The following PARVB variants were observed in gnomAD, a reference collection of about 807,000 sequenced individuals.
The protein encoded by PARVB is parvin beta.
PARVB carries 46 observed loss-of-function variants against 47.0 expected under a neutral mutation model. That is an observed-to-expected ratio of 0.98 (90% CI 0.77 to 1.25). The LOEUF is 1.25. PARVB is among the 50% of genes most tolerant of loss of function. The pLI is 0.00. For synonymous variants in PARVB, 196 were observed against 196.3 expected (o/e 1.00, Z 0.01); for missense variants, 473 against 471.6 (o/e 1.00, Z -0.03).
rs551351598 is a variant in PARVB at position 44,135,725 on chromosome 22, G to A, written c.634-735G>A. 5.6e-3 allele frequency among the ~76,000 whole-genome samples: 847 copies of A among 152,296 alleles called. 6 individuals carry two copies. Among genetic ancestry groups the A allele is most frequent in the African/African-American group, 0.019 (792 of 41,556 alleles). ...AAGTCTGAAATCAAGATGTTGTCAG[G>A]GTAGGATGTCCTCCCTCATGTCTCC... is the stretch of plus-strand genomic sequence containing the variant. On this transcript the variant is annotated intron_variant, in intron 6 of 12. Transcript: ENST00000338758.
chr22:44,042,200 T>C (rs1162776331), intron 1 of PARVB, among the ~76,000 whole-genome samples: 2 of 152,180 alleles, frequency 1.3e-5, no homozygotes, highest in African/African-American at 4.8e-5. Flanking sequence ...GGCAGGTGGA[T>C]TGCCTGAGGT....
intron 12 of PARVB, chr22:44,168,322 A>T (rs958026045): frequency 7.4e-6 from 3 of 403,002 alleles, no homozygotes; most frequent in Non-Finnish European, 1.4e-5. Context: ...ACATGTCCTG[A>T]TGCAGATCCA....
Position 44,172,912 on chromosome 22 carries a change from A to G in PARVB, c.*4234A>G. The G allele has an allele frequency of 8.6e-7, 1 of 1,163,636 alleles. No individual in the cohort carries two copies. The highest frequency in any genetic ancestry group is 1.3e-5 in the South Asian group (1 of 76,534). The allele number at this position is 1,163,636 out of a possible 1,614,324, so 72.1% of individuals were successfully genotyped here. A position where few individuals can be genotyped will look rare whatever the true frequency, so the allele number is the denominator to read the frequency against. ...CCACGTGGCGTCACAGTATGCTGTT[A>G]TTTATTCCAATAAAGACCTCGTGAG... On this transcript the variant is annotated 3_prime_UTR_variant, in exon 13 of 13. Coordinates refer to ENST00000338758, the MANE Select transcript of PARVB (RefSeq NM_013327.5).
intron 1 of PARVB, among the ~76,000 whole-genome samples, chr22:44,075,456 G>C (rs2051748968): frequency 6.6e-6 from 1 of 152,156 alleles, no homozygotes; most frequent in Non-Finnish European, 1.5e-5. Context: ...GTGGTACCTG[G>C]TGGACCCACA....
upstream of PARVB, among the ~76,000 whole-genome samples, chr22:44,020,592 A>T (rs1190990676): frequency 6.6e-6 from 1 of 152,198 alleles, no homozygotes; most frequent in East Asian, 1.9e-4. Context: ...TGGCTCACAA[A>T]ACTCAGGGCA....
intron 10 of PARVB, chr22:44,152,174 G>C (rs565277795): frequency 6.7e-6 from 1 of 149,394 alleles, no homozygotes; most frequent in East Asian, 2.0e-4. Flanking sequence ...TTTAAAGACA[G>C]AGTCTCGCTC....
chr22:44,147,845 C>G lies in PARVB; in HGVS notation c.713-16C>G, dbSNP rs778036418. 4 of 1,612,986 alleles carry G rather than the reference C, an allele frequency of 2.5e-6. No individual in the cohort carries two copies. In the Admixed American group the frequency reaches 6.7e-5, roughly 27 times the overall value. ...TCCATAAACGCTCCTTCGTGTCTCT[C>G]TTTGCATGTCCTCAGAGCGGGATGC... On this transcript the variant is annotated splice_polypyrimidine_tract_variant and intron_variant, in intron 8 of 12. Coordinates refer to ENST00000338758, the MANE Select transcript of PARVB (RefSeq NM_013327.5).
At chr22:44,067,166 G>T (rs535286622) in intron 1 of PARVB, among the ~76,000 whole-genome samples, 3 of 152,186 alleles carry the variant, frequency 2.0e-5, no homozygotes, top group African/African-American at 7.2e-5. Context: ...TGAAAATGGC[G>T]TGTCAGGAGC....
intron 2 of PARVB, among the ~76,000 whole-genome samples, chr22:44,009,726 A>ACAT (rs2050502718): frequency 6.6e-6 from 1 of 151,522 alleles, no homozygotes; most frequent in African/African-American, 2.4e-5. Context: ...ACCCTCTTTT[A>ACAT]TATAATAAAC....
chr22:44,154,284 G>T (rs1300139593), intron 10 of PARVB, among the ~76,000 whole-genome samples: 1 of 152,220 alleles, frequency 6.6e-6, no homozygotes, highest in African/African-American at 2.4e-5. Context: ...AAGGTCGCTG[G>T]TTACAGAAAT....
intron 2 of PARVB, among the ~76,000 whole-genome samples, chr22:44,005,407 C>T (rs935909737): frequency 6.8e-6 from 1 of 147,648 alleles, no homozygotes; most frequent in African/African-American, 2.5e-5. Context: ...GGTACCACGC[C>T]TGGCCGTTTT....
At chr22:44,035,625 C>A (rs1323883289) in intron 1 of PARVB, among the ~76,000 whole-genome samples, 5 of 152,036 alleles carry the variant, frequency 3.3e-5, no homozygotes, top group African/African-American at 1.2e-4. Context: ...CCTGCCTCAG[C>A]CTCCCAAAGT....
intron 4 of PARVB, among the ~76,000 whole-genome samples, chr22:44,120,666 C>A (rs905372060): frequency 2.0e-5 from 3 of 152,060 alleles, no homozygotes; most frequent in African/African-American, 4.8e-5. Context: ...GTTAAAAAAA[C>A]CACTTTTTTA....
chr22:44,080,951 G>A (rs1181444159), intron 1 of PARVB, among the ~76,000 whole-genome samples: 1 of 152,194 alleles, frequency 6.6e-6, no homozygotes, highest in South Asian at 2.1e-4. Flanking sequence ...AGGAGAGGAA[G>A]GGGAATGGAT....
At chr22:44,062,454 A>G (rs2401521) in intron 1 of PARVB, among the ~76,000 whole-genome samples, 34,043 of 152,092 alleles carry the variant, frequency 0.22, 4,102 homozygotes, top group Middle Eastern at 0.3. Context: ...CCGGGCCAAC[A>G]TAGTGAAACC....
At chr22:44,140,930 C>G (rs2147186281) in intron 8 of PARVB, 1 of 187,220 alleles carries the variant, frequency 5.3e-6, no homozygotes, top group South Asian at 1.2e-4. Context: ...GGCCCTCGGC[C>G]TGGCCAGCCT....
Position 44,147,886 on chromosome 22 carries a change from C to A in PARVB, c.738C>A (p.Phe246Leu), listed in dbSNP as rs16991550. 8 of 1,614,036 alleles carry A rather than the reference C, an allele frequency of 5.0e-6. No individual in the cohort carries two copies. Among genetic ancestry groups the A allele is most frequent in the South Asian group, 1.1e-5 (1 of 91,056 alleles). ...AGCGGGATGCCTTCGACACGCTGTT[C>A]GACCACGCCCCGGATAAGCTCAGCG... ...RFERDAFDTLFDHAPDKLSVV... is the reference protein window; with the variant it reads ...RFERDAFDTLLDHAPDKLSVV... Residue 246 changes from phenylalanine (F) to leucine (L), a missense_variant, in exon 9 of 13, where the codon TTC (phenylalanine) becomes TTA (leucine). Physicochemically the swap from Phe to Leu is conservative, Grantham distance 22. Transcript: ENST00000338758.
chr22:44,133,989 G>A (rs961726126), intron 6 of PARVB, among the ~76,000 whole-genome samples: 9 of 152,206 alleles, frequency 5.9e-5, no homozygotes, highest in African/African-American at 2.2e-4. Flanking sequence ...GCGTCTGTGG[G>A]GGTGACCACT....
intron 1 of PARVB, among the ~76,000 whole-genome samples, chr22:44,062,899 T>A (rs1392088501): frequency 6.6e-6 from 1 of 152,104 alleles, no homozygotes; most frequent in Non-Finnish European, 1.5e-5. Flanking sequence ...TGTAGGCATG[T>A]CTGGTTATTA....
Sources: allele counts gnomAD v4.1 joint callset (sites outside exome capture counted in the v4.1 genomes callset), GRCh38; gene constraint gnomAD v4.1.1; transcripts MANE v1.5; gene names NCBI Gene and HGNC (gene_info 2026-07-23, HGNC 2026-07-21).